The following MYO1D variants were observed in gnomAD, a reference collection of about 807,000 sequenced individuals.
MYO1D encodes the protein myosin ID.
A neutral mutation model predicts 122.0 loss-of-function variants in MYO1D; 83 were observed. The observed-to-expected ratio is 0.68, with a 90% CI of 0.57 to 0.82. The LOEUF is 0.82. MYO1D is among the 40% of genes least tolerant of loss of function. MYO1D has a pLI of 0.00. For synonymous variants in MYO1D, 464 were observed against 446.9 expected (o/e 1.04, Z -0.48); for missense variants, 1,157 against 1,269.5 (o/e 0.91, Z 1.35).
intron 14 of MYO1D, among the ~76,000 whole-genome samples, chr17:32,733,188 C>A (rs1284490878): frequency 6.6e-6 from 1 of 152,320 alleles, no homozygotes; most frequent in African/African-American, 2.4e-5. Context: ...GTAGGTGGAA[C>A]AAGCCTGGCA....
intron 17 of MYO1D, among the ~76,000 whole-genome samples, chr17:32,655,291 C>G (rs2729335): frequency 0.67 from 101,861 of 152,066 alleles, 34,345 homozygotes; most frequent in Middle Eastern, 0.74. Flanking sequence ...GCAGTGGGGG[C>G]ACAGTAATAA....
intron 1 of MYO1D, among the ~76,000 whole-genome samples, chr17:32,861,949 T>C (rs1226998087): frequency 6.6e-6 from 1 of 152,054 alleles, no homozygotes; most frequent in Non-Finnish European, 1.5e-5. Context: ...GCCCAGGAGG[T>C]GGAGGTTGCA....
In MYO1D at chr17:32,715,278, G is replaced by A. The variant is rs1260351202; in HGVS notation, c.1914-3083C>T. Among the ~76,000 whole-genome samples, 8 of 152,270 alleles carry A rather than the reference G, an allele frequency of 5.3e-5. No individual in the cohort carries two copies. The East Asian group carries it at 1.2e-3, about 22-fold the overall frequency. Reference sequence around the variant, plus strand: ...GTGATTCCTCAAAGATTTTGAACCCGAAATGCCATTTGACCCAGCAATCCC... The same window carrying A: ...GTGATTCCTCAAAGATTTTGAACCCAAAATGCCATTTGACCCAGCAATCCC... On this transcript the variant is annotated intron_variant, in intron 15 of 21. Coordinates refer to ENST00000318217, the MANE Select transcript of MYO1D (RefSeq NM_015194.3).
chr17:32,583,479 C>T (rs932766912), intron 21 of MYO1D, among the ~76,000 whole-genome samples: 6 of 152,130 alleles, frequency 3.9e-5, no homozygotes, highest in African/African-American at 1.2e-4. Flanking sequence ...CTCCTCCTTC[C>T]TTCGGGGACT....
chr17:32,500,322 G>A (rs1299279236), intron 21 of MYO1D, among the ~76,000 whole-genome samples: 6 of 152,222 alleles, frequency 3.9e-5, no homozygotes, highest in Non-Finnish European at 7.3e-5. Context: ...GGCACAACTG[G>A]TCAAGAGCCT....
At chr17:32,815,332 A>C (rs2090604775) in intron 1 of MYO1D, among the ~76,000 whole-genome samples, 1 of 152,226 alleles carries the variant, frequency 6.6e-6, no homozygotes, top group Admixed American at 6.5e-5. Flanking sequence ...CTCTTGACTT[A>C]TAGAAGTTGC....
intron 1 of MYO1D, among the ~76,000 whole-genome samples, chr17:32,796,962 C>T (rs1405812110): frequency 6.6e-6 from 1 of 151,878 alleles, no homozygotes; most frequent in Non-Finnish European, 1.5e-5. Context: ...ACTTAGTACA[C>T]TGCATCACTT....
intron 20 of MYO1D, among the ~76,000 whole-genome samples, chr17:32,606,653 TC>T (rs2087631498): frequency 6.6e-6 from 1 of 152,176 alleles, no homozygotes; most frequent in Non-Finnish European, 1.5e-5. Flanking sequence ...TCAACATCTA[TC>T]CATGATAAAA....
intron 20 of MYO1D, among the ~76,000 whole-genome samples, chr17:32,629,847 A>C (rs1245779443): frequency 1.3e-5 from 2 of 152,202 alleles, no homozygotes; most frequent in South Asian, 2.1e-4. Flanking sequence ...AAGGAAGTGC[A>C]TGTAGCACTG....
chr17:32,703,840 A>C (rs2150982163), intron 16 of MYO1D, among the ~76,000 whole-genome samples: 1 of 152,334 alleles, frequency 6.6e-6, no homozygotes, highest in South Asian at 2.1e-4. Context: ...GTCTTCTTTC[A>C]GGATTTCCCC....
chr17:32,688,348 G>C lies in MYO1D; in HGVS notation c.2121+23640C>G, dbSNP rs187255140. On this transcript the variant is annotated intron_variant, in intron 16 of 21. Coordinates refer to ENST00000318217, the MANE Select transcript of MYO1D (RefSeq NM_015194.3). ...CATCCCTATTGTTTTACAGACAAATGAAGTGAGAATGACCTAAAACCTTAC... is the reference window on the plus strand; with the variant it reads ...CATCCCTATTGTTTTACAGACAAATCAAGTGAGAATGACCTAAAACCTTAC... 2.0e-3 allele frequency among the ~76,000 whole-genome samples: 308 copies of C among 152,274 alleles called. 3 individuals carry two copies. Among genetic ancestry groups the C allele is most frequent in the African/African-American group, 7.2e-3 (300 of 41,540 alleles).
chr17:32,675,045 C>T (rs576746182), intron 16 of MYO1D, among the ~76,000 whole-genome samples: 161 of 152,290 alleles, frequency 1.1e-3, no homozygotes, highest in South Asian at 1.4e-3. Flanking sequence ...ACTTTTTCAA[C>T]AGTACAAGTT....
At chr17:32,875,896 T>C (rs1236534230) in intron 1 of MYO1D, among the ~76,000 whole-genome samples, 1 of 152,244 alleles carries the variant, frequency 6.6e-6, no homozygotes, top group Non-Finnish European at 1.5e-5. Context: ...CTTACTTTAA[T>C]GTTTAAGTCA....
intron 16 of MYO1D, among the ~76,000 whole-genome samples, chr17:32,661,861 GTA>G (rs1443631335): frequency 6.6e-6 from 1 of 152,168 alleles, no homozygotes; most frequent in African/African-American, 2.4e-5. Context: ...CATATGATAT[GTA>G]TATGTTATAT....
chr17:32,521,900 G>A (rs1197523249), intron 21 of MYO1D, among the ~76,000 whole-genome samples: 1 of 152,008 alleles, frequency 6.6e-6, no homozygotes, highest in Non-Finnish European at 1.5e-5. Flanking sequence ...TGGCCAAGAT[G>A]GTGAAACCCT....
intron 21 of MYO1D, among the ~76,000 whole-genome samples, chr17:32,562,529 C>G (rs2087135330): frequency 6.6e-6 from 1 of 152,050 alleles, no homozygotes; most frequent in Admixed American, 6.5e-5. Context: ...GTTGCCCAGG[C>G]TGGAATGCAA....
chr17:32,534,801 G>A (rs8065475), intron 21 of MYO1D, among the ~76,000 whole-genome samples: 99,468 of 151,900 alleles, frequency 0.65, 34,478 homozygotes, highest in African/African-American at 0.86. Flanking sequence ...CCCCGTAGAT[G>A]TGAGACCAGC....
At chr17:32,862,282 T>C (rs1302381970) in intron 1 of MYO1D, among the ~76,000 whole-genome samples, 1 of 152,250 alleles carries the variant, frequency 6.6e-6, no homozygotes, top group Non-Finnish European at 1.5e-5. Flanking sequence ...GTTTGTTTAC[T>C]GGTTTAGTAT....
At chr17:32,762,535 A>G (rs1161070163) in intron 8 of MYO1D, among the ~76,000 whole-genome samples, 1 of 152,076 alleles carries the variant, frequency 6.6e-6, no homozygotes, top group East Asian at 1.9e-4. Context: ...TTCTTACTCT[A>G]GCCCCCATAA....
Sources: gnomAD v4.1 joint callset for allele counts (sites outside exome capture counted in the v4.1 genomes callset) on GRCh38, gnomAD v4.1.1 for gene constraint, MANE v1.5 for transcripts, NCBI Gene and HGNC (gene_info 2026-07-23, HGNC 2026-07-21) for gene names.